PIGL: variants seen among roughly 807,000 people sequenced by gnomAD.
PIGL encodes phosphatidylinositol glycan anchor biosynthesis class L.
Under a neutral mutation model 31.1 loss-of-function variants are expected in PIGL, and 22 were observed. That is an observed-to-expected ratio of 0.71 (90% CI 0.51 to 1.01). The LOEUF (loss-of-function observed/expected upper bound fraction) is 1.01. PIGL is among the 50% of genes least tolerant of loss of function. The pLI is 0.00. For synonymous variants in PIGL, 131 were observed against 117.4 expected (o/e 1.12, Z -0.75); for missense variants, 302 against 315.9 (o/e 0.96, Z 0.33).
At chr17:16,312,083 G>C (rs1381079261) in intron 3 of PIGL, among the ~76,000 whole-genome samples, 1 of 146,292 alleles carries the variant, frequency 6.8e-6, no homozygotes, top group Non-Finnish European at 1.5e-5. Flanking sequence ...GGCCGGGTGG[G>C]GGCTGCCCCC....
At chr17:16,234,515 G>A (rs1264219809) in intron 2 of PIGL, among the ~76,000 whole-genome samples, 1 of 152,168 alleles carries the variant, frequency 6.6e-6, no homozygotes, top group Non-Finnish European at 1.5e-5. Flanking sequence ...TGTAATCCCA[G>A]CACTTTGGGA....
At chr17:16,248,550 A>G (rs2092758145) in intron 2 of PIGL, among the ~76,000 whole-genome samples, 1 of 152,108 alleles carries the variant, frequency 6.6e-6, no homozygotes, top group Admixed American at 6.6e-5. Flanking sequence ...CATTCTGTTC[A>G]TGATTGTTTA....
intron 2 of PIGL, among the ~76,000 whole-genome samples, chr17:16,293,327 A>C (rs1328087463): frequency 1.3e-5 from 2 of 152,222 alleles, no homozygotes; most frequent in Non-Finnish European, 2.9e-5. Context: ...GATCCAGTCC[A>C]TCCTGGCTAA....
chr17:16,249,896 T>G (rs1266490342), intron 2 of PIGL, among the ~76,000 whole-genome samples: 1 of 152,188 alleles, frequency 6.6e-6, no homozygotes, highest in Admixed American at 6.6e-5. Flanking sequence ...AAATAATCCT[T>G]TACCAGTTCT....
At chr17:16,239,147 C>T (rs939625669) in intron 2 of PIGL, among the ~76,000 whole-genome samples, 2 of 151,716 alleles carry the variant, frequency 1.3e-5, no homozygotes, top group African/African-American at 4.8e-5. Flanking sequence ...CCAGCCTAGG[C>T]AACATGGCAG....
chr17:16,272,399 C>T (rs564345021), intron 2 of PIGL, among the ~76,000 whole-genome samples: 1 of 152,282 alleles, frequency 6.6e-6, no homozygotes, highest in East Asian at 1.9e-4. Flanking sequence ...TCATTTGCCT[C>T]TATTCCTATT....
chr17:16,243,664 A>G (rs1011872478), intron 2 of PIGL, among the ~76,000 whole-genome samples: 3 of 152,186 alleles, frequency 2.0e-5, no homozygotes, highest in Non-Finnish European at 4.4e-5. Context: ...CGAAAGATAC[A>G]TGGTTTTGAG....
chr17:16,271,321 C>T (rs937699697), intron 2 of PIGL, among the ~76,000 whole-genome samples: 2 of 152,156 alleles, frequency 1.3e-5, no homozygotes, highest in African/African-American at 2.4e-5. Context: ...GACCCTCAGG[C>T]TTCTCTTCAT....
At chr17:16,218,263 A>T (rs1003971405) in intron 1 of PIGL, 4 of 152,138 alleles carry the variant, frequency 2.6e-5, no homozygotes, top group Non-Finnish European at 4.4e-5. Flanking sequence ...TTCTTTTTCT[A>T]TACAGCTTCT....
chr17:16,310,441 TC>T (rs1392675681), intron 3 of PIGL, among the ~76,000 whole-genome samples: 3 of 152,044 alleles, frequency 2.0e-5, no homozygotes, highest in African/African-American at 7.2e-5. Flanking sequence ...AATACGATAT[TC>T]CCTCACAGAT....
chr17:16,240,722 A>G (rs2092719212), intron 2 of PIGL, among the ~76,000 whole-genome samples: 1 of 151,628 alleles, frequency 6.6e-6, no homozygotes. Context: ...GCAGGTCTTG[A>G]ACTCCTGGAC....
At chr17:16,321,550 A>G (rs1213621422) in intron 6 of PIGL, among the ~76,000 whole-genome samples, 3 of 151,618 alleles carry the variant, frequency 2.0e-5, no homozygotes, top group Admixed American at 2.0e-4. Context: ...CATATTTTCT[A>G]AATTTTCTAC....
At chr17:16,263,500 T>TG (rs1356306957) in intron 2 of PIGL, among the ~76,000 whole-genome samples, 1 of 151,380 alleles carries the variant, frequency 6.6e-6, no homozygotes, top group African/African-American at 2.4e-5. Context: ...ATTGGTTTTT[T>TG]TTTGTTTGTT....
chr17:16,233,270 G>T (rs894538834), intron 1 of PIGL, among the ~76,000 whole-genome samples: 4 of 152,132 alleles, frequency 2.6e-5, no homozygotes, highest in African/African-American at 9.7e-5. Context: ...TCCAACTTAA[G>T]TGATACCAAA....
At chr17:16,263,320 A>G (rs754993922) in intron 2 of PIGL, among the ~76,000 whole-genome samples, 1 of 151,920 alleles carries the variant, frequency 6.6e-6, no homozygotes, top group Non-Finnish European at 1.5e-5. Flanking sequence ...CTGGGACTAC[A>G]GGCACACACT....
intron 2 of PIGL, among the ~76,000 whole-genome samples, chr17:16,257,395 C>T (rs950771030): frequency 4.7e-5 from 7 of 150,414 alleles, no homozygotes; most frequent in South Asian, 2.1e-4. Flanking sequence ...CCAGCTTGGG[C>T]GACAAGAGTA....
rs1464353613 is a variant in PIGL, at chr17:16,317,479, CT to C, written c.527-293del. 8 of 1,126,832 alleles carry C rather than the reference CT, an allele frequency of 7.1e-6. No individual in the cohort carries two copies. The African/African-American group carries it at 9.4e-5, about 13-fold the overall frequency. The allele number at this position is 1,126,832 out of a possible 1,614,324, so 69.8% of individuals were successfully genotyped here. A position where few individuals can be genotyped will look rare whatever the true frequency, so the allele number is the denominator to read the frequency against. ...CTCCCAATACAGTAATTCCTGTCTC[CT>C]TTACTTCCTTTGGCTTTGAGGTAGC... is the stretch of plus-strand genomic sequence containing the variant. On this transcript the variant is annotated intron_variant, in intron 5 of 6. Transcript: ENST00000225609.
intron 1 of PIGL, among the ~76,000 whole-genome samples, chr17:16,224,219 C>T (rs749107706): frequency 6.6e-6 from 1 of 152,032 alleles, no homozygotes. Context: ...AAGACTCCGT[C>T]TCAGGGGGAA....
At chr17:16,241,063 GA>G (rs1293595378) in intron 2 of PIGL, among the ~76,000 whole-genome samples, 1 of 124,200 alleles carries the variant, frequency 8.1e-6, no homozygotes, top group Non-Finnish European at 1.6e-5. Flanking sequence ...GCAGTGAGCC[GA>G]AATCACGCCA....
Sources: allele counts gnomAD v4.1 joint callset (sites outside exome capture counted in the v4.1 genomes callset), GRCh38; gene constraint gnomAD v4.1.1; transcripts MANE v1.5; gene names NCBI Gene and HGNC (gene_info 2026-07-23, HGNC 2026-07-21).